Variants in RPS6KC1 observed in about 807,000 individuals in gnomAD.
RPS6KC1 encodes the protein ribosomal protein S6 kinase C1.
In RPS6KC1, 54 loss-of-function variants were observed where a neutral mutation model predicts 103.8. That is an observed-to-expected ratio of 0.52 (90% CI 0.42 to 0.65). RPS6KC1 has a LOEUF of 0.65. RPS6KC1 is among the 30% of genes least tolerant of loss of function. RPS6KC1 has a pLI of 0.00. For synonymous variants in RPS6KC1, 439 were observed against 438.7 expected (o/e 1.00, Z -0.01); for missense variants, 1,151 against 1,253.8 (o/e 0.92, Z 1.24).
chr1:213,439,771 G>A, the RPS6KC1 span, among the ~76,000 whole-genome samples: 7 of 151,954 alleles, frequency 4.6e-5, no homozygotes, highest in Non-Finnish European at 8.8e-5. Context: ...GGGTGCAGTT[G>A]GGCCAGAATT....
At chr1:213,429,575 A>C in the RPS6KC1 span, among the ~76,000 whole-genome samples, 1 of 152,184 alleles carries the variant, frequency 6.6e-6, no homozygotes, top group Non-Finnish European at 1.5e-5. Flanking sequence ...ATTCAGTATC[A>C]TCACCTCTTC....
chr1:213,366,924 TATTAG>T, the RPS6KC1 span, among the ~76,000 whole-genome samples: 7 of 152,256 alleles, frequency 4.6e-5, no homozygotes, highest in African/African-American at 1.7e-4. Context: ...TTTCCAGAAC[TATTAG>T]ATTAATCTCT....
chr1:213,594,501 G>C, the RPS6KC1 span, among the ~76,000 whole-genome samples: 1 of 152,110 alleles, frequency 6.6e-6, no homozygotes, highest in South Asian at 2.1e-4. Flanking sequence ...TTTTTAGAGA[G>C]CCAAGGTGAG....
chr1:213,816,078 T>A, the RPS6KC1 span, among the ~76,000 whole-genome samples: 1 of 152,182 alleles, frequency 6.6e-6, no homozygotes, highest in African/African-American at 2.4e-5. Flanking sequence ...CAACATTTAT[T>A]GATTATGTTC....
the RPS6KC1 span, among the ~76,000 whole-genome samples, chr1:213,740,465 T>A: frequency 1.3e-4 from 20 of 152,096 alleles, no homozygotes; most frequent in Non-Finnish European, 2.2e-4. Context: ...TTGCTGGCAT[T>A]TGCAACTAGA....
intron 2 of RPS6KC1, among the ~76,000 whole-genome samples, chr1:213,075,143 G>A (rs868341352): frequency 1.3e-5 from 2 of 151,950 alleles, no homozygotes; most frequent in South Asian, 2.1e-4. Flanking sequence ...GAGCCACCAC[G>A]CCCGGCCTAG....
the RPS6KC1 span, among the ~76,000 whole-genome samples, chr1:213,632,320 G>T: frequency 6.6e-6 from 1 of 152,116 alleles, no homozygotes; most frequent in Non-Finnish European, 1.5e-5. Context: ...GCTCCAGTCT[G>T]CAGCTCCCAG....
At chr1:213,428,480 C>CCCTTCCTT in the RPS6KC1 span, among the ~76,000 whole-genome samples, 180 of 28,470 alleles carry the variant, frequency 6.3e-3, 4 homozygotes, top group African/African-American at 0.023. Context: ...CTCCCTCCCT[C>CCCTTCCTT]CCTTCCTTCC....
the RPS6KC1 span, among the ~76,000 whole-genome samples, chr1:213,536,593 C>A: frequency 5.9e-5 from 9 of 152,254 alleles, no homozygotes; most frequent in East Asian, 1.7e-3. Context: ...AGTGGGGCAA[C>A]CTCATCCTAC....
At chr1:213,341,834 T>C in the RPS6KC1 span, among the ~76,000 whole-genome samples, 1 of 152,206 alleles carries the variant, frequency 6.6e-6, no homozygotes, top group African/African-American at 2.4e-5. Context: ...AATGATTGAC[T>C]CTACAGCCTG....
the RPS6KC1 span, among the ~76,000 whole-genome samples, chr1:213,509,662 A>G: frequency 6.6e-6 from 1 of 152,230 alleles, no homozygotes; most frequent in Non-Finnish European, 1.5e-5. Context: ...GAATGTACAC[A>G]TGTAGAATTG....
At chr1:213,290,454 C>T in the RPS6KC1 span, among the ~76,000 whole-genome samples, 5 of 152,126 alleles carry the variant, frequency 3.3e-5, no homozygotes, top group Admixed American at 1.3e-4. Flanking sequence ...AGGAACGATA[C>T]GGGGTGCCTG....
the RPS6KC1 span, among the ~76,000 whole-genome samples, chr1:213,539,107 G>A: frequency 6.6e-6 from 1 of 152,212 alleles, no homozygotes; most frequent in Non-Finnish European, 1.5e-5. Flanking sequence ...CTAGCATGCA[G>A]TCTGCATGAA....
At chr1:213,583,380 A>C in the RPS6KC1 span, among the ~76,000 whole-genome samples, 3 of 152,184 alleles carry the variant, frequency 2.0e-5, no homozygotes, top group Non-Finnish European at 4.4e-5. Context: ...CAAACAGTGT[A>C]GGAGGGTTGA....
At chr1:213,265,557 A>G (rs2094893073) in intron 14 of RPS6KC1, among the ~76,000 whole-genome samples, 1 of 151,538 alleles carries the variant, frequency 6.6e-6, no homozygotes, top group Middle Eastern at 3.2e-3. Context: ...GTAGACATAA[A>G]TTGTCTGATT....
chr1:213,195,133 G>T (rs1336809005), intron 8 of RPS6KC1, among the ~76,000 whole-genome samples: 1 of 152,064 alleles, frequency 6.6e-6, no homozygotes, highest in African/African-American at 2.4e-5. Context: ...TGTCCCTTTT[G>T]GAGAAAAGGC....
the RPS6KC1 span, among the ~76,000 whole-genome samples, chr1:213,380,280 C>T: frequency 6.6e-6 from 1 of 152,212 alleles, no homozygotes; most frequent in Admixed American, 6.5e-5. Context: ...ATGATGCGAA[C>T]ACATGGACAC....
intron 12 of RPS6KC1, among the ~76,000 whole-genome samples, chr1:213,260,756 CAA>C (rs35685015): frequency 0.52 from 63,721 of 121,530 alleles, 16,618 homozygotes; most frequent in Non-Finnish European, 0.66. Context: ...CTAAAAGCCT[CAA>C]AAAAAAAAAA....
chr1:213,456,844 G>C, the RPS6KC1 span, among the ~76,000 whole-genome samples: 1 of 152,062 alleles, frequency 6.6e-6, no homozygotes, highest in Non-Finnish European at 1.5e-5. Context: ...TCCCACAACT[G>C]ATCTGTTCTG....
Sources: gnomAD v4.1 joint callset for allele counts (sites outside exome capture counted in the v4.1 genomes callset) on GRCh38, gnomAD v4.1.1 for gene constraint, MANE v1.5 for transcripts, NCBI Gene and HGNC (gene_info 2026-07-23, HGNC 2026-07-21) for gene names.